The following PDE2A variants were observed in gnomAD, a reference collection of about 807,000 sequenced individuals.
PDE2A encodes phosphodiesterase 2A.
A neutral mutation model predicts 133.6 loss-of-function variants in PDE2A; 53 were observed. The observed-to-expected ratio is 0.40, with a 90% CI of 0.32 to 0.50. PDE2A has a LOEUF of 0.50. Among genes scored for constraint, PDE2A ranks in the 20% least tolerant of loss-of-function variants. PDE2A has a pLI of 0.73. For missense variants in PDE2A, 796 were observed against 1,232.4 expected, an observed-to-expected ratio of 0.65 and a Z score of 5.30; for synonymous variants, 491 against 490.2, an observed-to-expected ratio of 1.00 and a Z score of -0.02.
intron 2 of PDE2A, among the ~76,000 whole-genome samples, chr11:72,623,391 G>C (rs370453295): frequency 1.3e-5 from 2 of 151,746 alleles, no homozygotes; most frequent in Non-Finnish European, 2.9e-5. Context: ...TCACCTCCCC[G>C]GCCTCTAGAC....
chr11:72,610,338 G>A (rs1373893082), intron 2 of PDE2A, among the ~76,000 whole-genome samples: 1 of 152,180 alleles, frequency 6.6e-6, no homozygotes, highest in East Asian at 1.9e-4. Context: ...AGGTCACCAG[G>A]AGAGAGGGAG....
intron 2 of PDE2A, among the ~76,000 whole-genome samples, chr11:72,633,217 C>G (rs995783228): frequency 3.3e-5 from 5 of 151,850 alleles, no homozygotes; most frequent in Non-Finnish European, 7.4e-5. Flanking sequence ...TCCAAGCCAC[C>G]AGCCAGGGAG....
At chr11:72,653,112 C>T (rs888545380) in intron 1 of PDE2A, among the ~76,000 whole-genome samples, 2 of 152,226 alleles carry the variant, frequency 1.3e-5, no homozygotes, top group African/African-American at 4.8e-5. Flanking sequence ...AGGCACGGTG[C>T]AGGGCGGAGG....
At chr11:72,583,696 C>T (rs962320802) in intron 19 of PDE2A, 181 bp from the exon 20 acceptor site, 13 of 562,056 alleles carry the variant, frequency 2.3e-5, no homozygotes, top group African/African-American at 9.9e-5. Flanking sequence ...CCAGACCCCG[C>T]GCCGGTTCCT....
At chr11:72,653,009 G>T (rs1407370715) in intron 1 of PDE2A, among the ~76,000 whole-genome samples, 1 of 152,248 alleles carries the variant, frequency 6.6e-6, no homozygotes. Context: ...AATCGGCAAA[G>T]GCTCCTGTGG....
At chr11:72,584,151 T>C (rs1855847804) in intron 19 of PDE2A, 50 bp downstream of exon 19, 2 of 862,312 alleles carry the variant, frequency 2.3e-6, no homozygotes, top group East Asian at 2.6e-5. Flanking sequence ...GGGTCCTTCG[T>C]GGGCCCCGCC....
chr11:72,625,059 G>C (rs534648768), intron 2 of PDE2A, among the ~76,000 whole-genome samples: 2 of 152,294 alleles, frequency 1.3e-5, no homozygotes, highest in South Asian at 4.1e-4. Flanking sequence ...GTTGTGCTCA[G>C]AGTCCTCAGC....
chr11:72,649,921 G>A (rs948216172), intron 1 of PDE2A, among the ~76,000 whole-genome samples: 4 of 152,072 alleles, frequency 2.6e-5, no homozygotes, highest in African/African-American at 9.7e-5. Context: ...GTTGGGAAAA[G>A]GAGCTCTTGC....
intron 2 of PDE2A, among the ~76,000 whole-genome samples, chr11:72,629,348 G>A (rs760005749): frequency 2.0e-5 from 3 of 152,208 alleles, no homozygotes; most frequent in African/African-American, 4.8e-5. Flanking sequence ...CACAGTCCCC[G>A]TTGCCCAGGA....
intron 2 of PDE2A, among the ~76,000 whole-genome samples, chr11:72,618,302 C>A (rs1215546425): frequency 3.3e-5 from 5 of 152,250 alleles, no homozygotes; most frequent in Admixed American, 6.5e-5. Flanking sequence ...CACTCCCAGC[C>A]TTTGCTCCTC....
intron 19 of PDE2A, 34 bp downstream of exon 19, chr11:72,584,167 T>TAACCCCC: frequency 7.2e-6 from 4 of 554,882 alleles, no homozygotes; most frequent in Non-Finnish European, 1.0e-5. Flanking sequence ...CCGCCCCCTA[T>TAACCCCC]CACCCCACAC....
At chr11:72,661,698 G>T (rs1855069454) in intron 1 of PDE2A, among the ~76,000 whole-genome samples, 1 of 152,248 alleles carries the variant, frequency 6.6e-6, no homozygotes, top group Non-Finnish European at 1.5e-5. Flanking sequence ...GCAGCCCAGA[G>T]GCGAGAGACG....
chr11:72,592,886 G>T (rs1856315381), intron 6 of PDE2A, among the ~76,000 whole-genome samples: 1 of 152,030 alleles, frequency 6.6e-6, no homozygotes, highest in South Asian at 2.1e-4. Flanking sequence ...GACAGCGGGG[G>T]CGGGAGGGAG....
intron 1 of PDE2A, among the ~76,000 whole-genome samples, chr11:72,653,184 T>C (rs1591131849): frequency 1.3e-5 from 2 of 152,252 alleles, no homozygotes; most frequent in East Asian, 3.9e-4. Context: ...CCATCTGTTC[T>C]CTGGGCTGGA....
At chr11:72,589,471 C>T (rs1400543832) in intron 11 of PDE2A, among the ~76,000 whole-genome samples, 1 of 152,156 alleles carries the variant, frequency 6.6e-6, no homozygotes, top group Non-Finnish European at 1.5e-5. Flanking sequence ...CAAGGATTCT[C>T]GTCAACAGAT....
At position 72,650,698 on chromosome 11, in the gene PDE2A, C is replaced by T. The variant is rs78503051; in HGVS notation, c.72-8372G>A. Among the ~76,000 whole-genome samples, 184 of 152,204 alleles carry T rather than the reference C, an allele frequency of 1.2e-3. 1 individual carries two copies. In the East Asian group the frequency reaches 0.027, roughly 22 times the overall value. On this transcript the variant is annotated intron_variant, in intron 1 of 30. Transcript: ENST00000334456. The stretch of plus-strand genomic sequence containing the variant: ...TCCTGGTAGCAGGCTGGGTAGGGGA[C>T]GAAGGAGGCAGGCTGGTCCTCTGCC...
At chr11:72,604,813 G>A (rs769468537) in intron 4 of PDE2A, among the ~76,000 whole-genome samples, 2 of 152,166 alleles carry the variant, frequency 1.3e-5, no homozygotes, top group Non-Finnish European at 2.9e-5. Context: ...ACAGCATGCC[G>A]GTGTTCTAAC....
At chr11:72,634,864 A>C (rs11605720) in intron 2 of PDE2A, among the ~76,000 whole-genome samples, 20,869 of 152,278 alleles carry the variant, frequency 0.14, 1,512 homozygotes, top group Middle Eastern at 0.17. Flanking sequence ...ATGGGACCCC[A>C]CTGGCTGTCC....
In PDE2A at chr11:72,597,985, A is replaced by AGAG. The variant is rs1458247366; in HGVS notation, c.324-367_324-366insCTC. On this transcript the variant is annotated intron_variant, in intron 4 of 30. Transcript: ENST00000334456. The surrounding 1 kb of genome is among the most constrained non-coding windows in gnomAD (Gnocchi z 4.6). ...TGACCTCTCTGATCTTCCCAAGGAG[A>AGAG]ACTAGGGTGGAGAGAGAAGAACCCT... 1.3e-5 allele frequency among the ~76,000 whole-genome samples: 2 copies of AGAG among 152,146 alleles called. No individual in the cohort carries two copies. The highest frequency in any genetic ancestry group is 4.8e-5 in the African/African-American group (2 of 41,424).
Sources: gnomAD v4.1 joint callset for allele counts (sites outside exome capture counted in the v4.1 genomes callset) on GRCh38, gnomAD v4.1.1 for gene constraint, Gnocchi (gnomAD v3.1) non-coding constraint, MANE v1.5 for transcripts, NCBI Gene and HGNC (gene_info 2026-07-23, HGNC 2026-07-21) for gene names.